COPS9: variants seen among roughly 807,000 people sequenced by gnomAD.
The protein encoded by COPS9 is COP9 signalosome subunit 9.
Under a neutral mutation model 7.2 loss-of-function variants are expected in COPS9, and 8 were observed. The ratio of observed to expected loss-of-function variants is 1.11; its 90% CI spans 0.65 to 2.00. The LOEUF (loss-of-function observed/expected upper bound fraction) is 2.00, where lower values mean the gene tolerates loss of function less well. COPS9 is among the 30% of genes most tolerant of loss of function. COPS9 has a pLI of 0.00. For synonymous variants in COPS9, 39 were observed against 28.7 expected, an observed-to-expected ratio of 1.36 and a Z score of -1.14; for missense variants, 74 against 77.7, an observed-to-expected ratio of 0.95 and a Z score of 0.18.
At position 240,132,317 on chromosome 2, in the gene COPS9, G is replaced by A. The variant is rs368762841; in HGVS notation, c.137-1229C>T. On this transcript the variant is annotated intron_variant, in intron 2 of 2. Transcript: ENST00000607357. The surrounding 1 kb of genome is among the most constrained non-coding windows in gnomAD (Gnocchi z 4.1). ...AGCCCAGCAAACCCATCTGTTTGAC[G>A]AGTAAAAAGGACTTAGCAAAAGCCT... 2.0e-5 allele frequency among the ~76,000 whole-genome samples: 3 copies of A among 152,184 alleles called. No homozygotes were observed. Among genetic ancestry groups the A allele is most frequent in the South Asian group, 2.1e-4 (1 of 4,830 alleles).
intron 2 of COPS9, 43 bp downstream of exon 2, chr2:240,133,890 A>C (rs1051978680): frequency 2.8e-5 from 45 of 1,597,014 alleles, no homozygotes; most frequent in Non-Finnish European, 3.6e-5. Context: ...CTAGAGAAGA[A>C]ATATTCAGAT....
intron 1 of COPS9, chr2:240,135,980 C>T (rs1331553836): frequency 1.7e-6 from 1 of 586,896 alleles, no homozygotes; most frequent in African/African-American, 2.0e-5. Flanking sequence ...ACTCAACCCT[C>T]AGGCTGCGCC....
chr2:240,130,600 C>T (rs2071912243), downstream of COPS9, among the ~76,000 whole-genome samples: 2 of 152,234 alleles, frequency 1.3e-5, no homozygotes, highest in African/African-American at 2.4e-5. Context: ...GGGGCGGCCC[C>T]GTGGCAAGGT....
chr2:240,135,761 G>C (rs562050447), intron 1 of COPS9: 21 of 161,636 alleles, frequency 1.3e-4, no homozygotes, highest in African/African-American at 3.6e-4. Context: ...TTAAGATTAA[G>C]AGGCCCAATC....
chr2:240,130,177 C>T (rs941631442), downstream of COPS9: 21 of 630,422 alleles, frequency 3.3e-5, no homozygotes, highest in Non-Finnish European at 4.9e-5. Flanking sequence ...GTAAACATGA[C>T]AAGGTGACAC....
chr2:240,129,231 T>A (rs1414992478), downstream of COPS9, among the ~76,000 whole-genome samples: 4 of 152,236 alleles, frequency 2.6e-5, no homozygotes, highest in East Asian at 3.8e-4. Context: ...GGTGCAATTA[T>A]CGCTCACTGC....
intron 1 of COPS9, among the ~76,000 whole-genome samples, chr2:240,135,463 C>A (rs912440631): frequency 1.3e-5 from 2 of 152,178 alleles, no homozygotes; most frequent in Admixed American, 6.5e-5. Context: ...CCTCTGCAGC[C>A]CCTAAGCTTT....
chr2:240,127,492 G>T (rs987999337), downstream of COPS9, among the ~76,000 whole-genome samples: 1 of 152,144 alleles, frequency 6.6e-6, no homozygotes, highest in Admixed American at 6.5e-5. Flanking sequence ...CCAATTGCAA[G>T]GTGCTACTGT....
downstream of COPS9, among the ~76,000 whole-genome samples, chr2:240,129,050 C>T (rs1048823277): frequency 6.6e-6 from 1 of 152,236 alleles, no homozygotes; most frequent in Admixed American, 6.5e-5. Context: ...TGCCCATCTG[C>T]ACTCTGCCTG....
At chr2:240,127,085 G>C (rs1424581510), downstream of COPS9, 2 of 1,049,022 alleles carry the variant, frequency 1.9e-6, no homozygotes, top group Non-Finnish European at 2.7e-6. Context: ...ACAGAGAGGG[G>C]AAGGCTAAGT....
downstream of COPS9, chr2:240,130,804 G>A (rs1323540082): frequency 6.5e-6 from 9 of 1,380,030 alleles, no homozygotes; most frequent in Middle Eastern, 2.7e-4. Context: ...ACTCATAAGT[G>A]CAAGAAAGAG....
At position 240,130,854 on chromosome 2, in the gene COPS9, G is replaced by A; in HGVS notation, c.*197C>T. ...GACATTGCTTTCTTTTAATTGGAGT[G>A]AGGACAAAACCTGATCCCGTTCAGA... is the stretch of plus-strand genomic sequence containing the variant. On this transcript the variant is annotated 3_prime_UTR_variant, in exon 3 of 3. Coordinates refer to ENST00000607357, the MANE Select transcript of COPS9 (RefSeq NM_001163424.2). 1.4e-6 allele frequency: 2 copies of A among 1,409,262 alleles called. No homozygotes were observed. Among genetic ancestry groups the A allele is most frequent in the Non-Finnish European group, 1.8e-6 (2 of 1,085,000 alleles). 87.3% of individuals were successfully genotyped at this position (1,409,262 alleles called of 1,614,324 possible). A position where few individuals can be genotyped will look rare whatever the true frequency, so the allele number is the denominator to read the frequency against.
downstream of COPS9, chr2:240,130,044 G>A: frequency 6.3e-7 from 1 of 1,597,226 alleles, no homozygotes; most frequent in Admixed American, 1.7e-5. Flanking sequence ...CCCCAACAAA[G>A]GACAGGAGCT....
At chr2:240,126,888 C>T (rs1389111536), downstream of COPS9, 1 of 1,614,162 alleles carries the variant, frequency 6.2e-7, no homozygotes, top group Non-Finnish European at 8.5e-7. Flanking sequence ...ATGGCCTGTG[C>T]TCCCAAACGC....
At chr2:240,133,753 C>T (rs747741) in intron 2 of COPS9, among the ~76,000 whole-genome samples, 180 bp downstream of exon 2, 54,771 of 152,118 alleles carry the variant, frequency 0.36, 10,475 homozygotes, top group African/African-American at 0.48. Context: ...AATAAGGCTG[C>T]CTGCCAGTGG....
intron 2 of COPS9, among the ~76,000 whole-genome samples, 153 bp downstream of exon 2, chr2:240,133,780 C>T (rs981958271): frequency 6.6e-5 from 10 of 152,212 alleles, no homozygotes; most frequent in Admixed American, 2.0e-4. Flanking sequence ...CCCGTGTCAT[C>T]GCTCCACAGA....
chr2:240,129,723 C>T (rs2071901276), downstream of COPS9, among the ~76,000 whole-genome samples: 1 of 152,266 alleles, frequency 6.6e-6, no homozygotes, highest in Non-Finnish European at 1.5e-5. Flanking sequence ...AAAAACAACT[C>T]TCACGAAATG....
intron 2 of COPS9, 41 bp from the exon 3 acceptor site, chr2:240,131,129 G>GT: frequency 6.2e-7 from 1 of 1,601,860 alleles, no homozygotes; most frequent in Non-Finnish European, 8.5e-7. Context: ...ACCTACAAGG[G>GT]TAAGGGCTGA....
At chr2:240,133,133 G>C (rs1866648) in intron 2 of COPS9, among the ~76,000 whole-genome samples, 101,892 of 152,172 alleles carry the variant, frequency 0.67, 36,041 homozygotes, top group African/African-American at 0.91. Flanking sequence ...GGCAAGCTCA[G>C]GTCCTAGCTG....
Sources: gnomAD v4.1 joint callset for allele counts (sites outside exome capture counted in the v4.1 genomes callset) on GRCh38, gnomAD v4.1.1 for gene constraint, Gnocchi (gnomAD v3.1) non-coding constraint, MANE v1.5 for transcripts, NCBI Gene and HGNC (gene_info 2026-07-23, HGNC 2026-07-21) for gene names.